PRKD1: variants seen among roughly 807,000 people sequenced by gnomAD.
The protein encoded by PRKD1 is serine/threonine-protein kinase D1.
PRKD1 carries 63 observed loss-of-function variants against 95.9 expected under a neutral mutation model. The observed-to-expected ratio is 0.66, with a 90% confidence interval of 0.54 to 0.81. PRKD1 has a LOEUF of 0.81. Ranked by LOEUF, PRKD1 falls within the 30% of genes least tolerant of loss-of-function variation. The pLI is 0.00. For synonymous variants in PRKD1, 425 were observed against 423.1 expected, an observed-to-expected ratio of 1.00 and a Z score of -0.05; for missense variants, 1,048 against 1,165.3, an observed-to-expected ratio of 0.90 and a Z score of 1.47.
At chr14:29,794,499 T>C (rs987327194) in intron 1 of PRKD1, among the ~76,000 whole-genome samples, 1 of 152,072 alleles carries the variant, frequency 6.6e-6, no homozygotes, top group Non-Finnish European at 1.5e-5. Flanking sequence ...GATTTACTTA[T>C]TTATTTAAAA....
intron 1 of PRKD1, among the ~76,000 whole-genome samples, chr14:29,872,377 T>C (rs1327226524): frequency 6.6e-6 from 1 of 152,078 alleles, no homozygotes; most frequent in African/African-American, 2.4e-5. Flanking sequence ...ACTTAAAATC[T>C]CCACACCAGG....
chr14:29,690,384 T>C (rs1003112736), intron 2 of PRKD1, among the ~76,000 whole-genome samples: 1 of 152,182 alleles, frequency 6.6e-6, no homozygotes, highest in Admixed American at 6.5e-5. Flanking sequence ...TTCTCTTCTA[T>C]GCTTCTTATT....
intron 1 of PRKD1, among the ~76,000 whole-genome samples, chr14:29,852,643 A>G (rs1337811877): frequency 1.3e-5 from 2 of 152,196 alleles, no homozygotes; most frequent in Non-Finnish European, 2.9e-5. Context: ...TCAAAAACTG[A>G]AAGGATTGGG....
intron 2 of PRKD1, among the ~76,000 whole-genome samples, chr14:29,684,569 T>G (rs1238581943): frequency 1.2e-4 from 19 of 152,222 alleles, no homozygotes; most frequent in Admixed American, 1.2e-3. Context: ...ATATTTGTTT[T>G]GAATCAACTC....
intron 4 of PRKD1, among the ~76,000 whole-genome samples, chr14:29,652,025 C>T (rs1325505739): frequency 4.6e-5 from 7 of 152,182 alleles, no homozygotes; most frequent in African/African-American, 1.4e-4. Context: ...GGATTATAGG[C>T]GTGAACCACC....
chr14:29,872,362 A>G (rs1893137455), intron 1 of PRKD1, among the ~76,000 whole-genome samples: 1 of 152,214 alleles, frequency 6.6e-6, no homozygotes, highest in Admixed American at 6.5e-5. Flanking sequence ...TCTGACTCAA[A>G]AGTCACTTAA....
chr14:29,820,566 G>A (rs893759867), intron 1 of PRKD1, among the ~76,000 whole-genome samples: 1 of 152,116 alleles, frequency 6.6e-6, no homozygotes, highest in African/African-American at 2.4e-5. Flanking sequence ...AATAACACAA[G>A]AGAATGGCAG....
intron 1 of PRKD1, among the ~76,000 whole-genome samples, chr14:29,915,120 A>T (rs1490486690): frequency 6.6e-6 from 1 of 152,236 alleles, no homozygotes; most frequent in East Asian, 1.9e-4. Context: ...ACACTGATAA[A>T]TGTAATTCTT....
rs28714402 is a variant in PRKD1, at chr14:29,924,378, A to T, written c.264+2871T>A. On this transcript the variant is annotated intron_variant, in intron 1 of 17. Transcript: ENST00000331968. ...TAATTAGAGAACAACTATACTCTAA[A>T]TTCTAAATAATAACAATAATAATTT... Among the ~76,000 whole-genome samples the T allele has an allele frequency of 9.6e-3, 1,462 of 152,334 alleles. 13 individuals carry two copies. The highest frequency in any genetic ancestry group is 0.034 in the African/African-American group (1,398 of 41,560).
intron 1 of PRKD1, among the ~76,000 whole-genome samples, chr14:29,780,789 G>T (rs1481955516): frequency 6.6e-6 from 1 of 152,116 alleles, no homozygotes; most frequent in Non-Finnish European, 1.5e-5. Context: ...CCATTACTGG[G>T]TATATACCCA....
chr14:29,812,268 C>T (rs1220095700), intron 1 of PRKD1, among the ~76,000 whole-genome samples: 6 of 152,270 alleles, frequency 3.9e-5, no homozygotes, highest in South Asian at 4.1e-4. Flanking sequence ...TAAAAGGACA[C>T]ATACAACATA....
Position 29,927,637 on chromosome 14 carries a change from T to G in PRKD1, c.-125A>C. 2.9e-6 allele frequency: 2 copies of G among 694,240 alleles called. No individual in the cohort carries two copies. Among genetic ancestry groups the G allele is most frequent in the Non-Finnish European group, 3.6e-6 (2 of 562,638 alleles). 43.0% of individuals were successfully genotyped at this position (694,240 alleles called of 1,614,324 possible). A position where few individuals can be genotyped will look rare whatever the true frequency, so the allele number is the denominator to read the frequency against. ...GAGCCCAGACGGAAAATAAAAACTT[T>G]CCGGAAAAGTCCCTGGGCTGGGGGA... On this transcript the variant is annotated 5_prime_UTR_variant, in exon 1 of 18. Coordinates refer to ENST00000331968, the MANE Select transcript of PRKD1 (RefSeq NM_002742.3).
intron 4 of PRKD1, among the ~76,000 whole-genome samples, chr14:29,649,487 T>C (rs745486434): frequency 3.9e-5 from 6 of 152,014 alleles, no homozygotes; most frequent in African/African-American, 7.2e-5. Flanking sequence ...GTGTTTGTAG[T>C]TGCTAGTGTA....
chr14:29,769,560 C>A (rs189726808), intron 1 of PRKD1, among the ~76,000 whole-genome samples: 9 of 151,550 alleles, frequency 5.9e-5, no homozygotes, highest in Admixed American at 3.3e-4. Context: ...CCCAGTCTCC[C>A]GAAAAAAATA....
intron 4 of PRKD1, among the ~76,000 whole-genome samples, chr14:29,639,705 TA>T (rs1386460541): frequency 3.3e-5 from 5 of 151,706 alleles, no homozygotes; most frequent in Non-Finnish European, 5.9e-5. Context: ...TTGGATTACC[TA>T]AAGAAAAAAA....
chr14:29,779,726 A>G (rs1336642513), intron 1 of PRKD1, among the ~76,000 whole-genome samples: 2 of 152,208 alleles, frequency 1.3e-5, no homozygotes, highest in Admixed American at 1.3e-4. Context: ...GGTAATTTAT[A>G]GATTCAATGC....
chr14:29,581,024 T>G (rs991846399), intron 16 of PRKD1, among the ~76,000 whole-genome samples: 2 of 151,942 alleles, frequency 1.3e-5, no homozygotes, highest in African/African-American at 4.8e-5. Context: ...GACCTTTAAT[T>G]CATATCCTAC....
intron 2 of PRKD1, among the ~76,000 whole-genome samples, chr14:29,704,780 AT>A (rs1269226115): frequency 6.6e-6 from 1 of 152,016 alleles, no homozygotes; most frequent in Non-Finnish European, 1.5e-5. Context: ...TAAATGAGTT[AT>A]TTTTTTCTCA....
chr14:29,627,869 T>C (rs900955635), intron 11 of PRKD1, among the ~76,000 whole-genome samples: 1 of 152,210 alleles, frequency 6.6e-6, no homozygotes, highest in Non-Finnish European at 1.5e-5. Flanking sequence ...ACAAGTAATA[T>C]TAATACTATT....
Sources: gnomAD v4.1 joint callset for allele counts (sites outside exome capture counted in the v4.1 genomes callset) on GRCh38, gnomAD v4.1.1 for gene constraint, MANE v1.5 for transcripts, NCBI Gene and HGNC (gene_info 2026-07-23, HGNC 2026-07-21) for gene names.